DENND1A: variants seen among roughly 807,000 people sequenced by gnomAD.
DENND1A encodes DENN domain-containing protein 1A.
In DENND1A, 51 loss-of-function variants were observed where a neutral mutation model predicts 113.7. The ratio of observed to expected loss-of-function variants is 0.45; its 90% CI spans 0.36 to 0.57. DENND1A has a LOEUF of 0.57. Ranked by LOEUF, DENND1A falls within the 20% of genes least tolerant of loss-of-function variation. The pLI is 0.00. For synonymous variants in DENND1A, 565 were observed against 570.8 expected (o/e 0.99, Z 0.14); for missense variants, 1,258 against 1,395.9 (o/e 0.90, Z 1.57).
chr9:123,449,581 T>G (rs563457459), intron 18 of DENND1A, among the ~76,000 whole-genome samples: 17 of 150,572 alleles, frequency 1.1e-4, no homozygotes, highest in Non-Finnish European at 1.9e-4. Context: ...GTAATTATGA[T>G]GATGGCATTC....
rs768293484 is a variant in DENND1A, at chr9:123,389,964, G to A, written c.1632-2106C>T. 3.3e-5 allele frequency among the ~76,000 whole-genome samples: 5 copies of A among 152,162 alleles called. No homozygotes were observed. The East Asian group carries it at 5.8e-4, about 18-fold the overall frequency. On this transcript the variant is annotated intron_variant, in intron 21 of 23. Transcript: ENST00000394215. ...GTGGCCCTCTCCTGGCCTCCCCTGC[G>A]GCCATGCTTACCGTCTTTGACCACA...
chr9:123,771,517 C>A (rs1443262373), intron 3 of DENND1A, among the ~76,000 whole-genome samples: 1 of 152,146 alleles, frequency 6.6e-6, no homozygotes, highest in African/African-American at 2.4e-5. Flanking sequence ...AGAAAGCTAT[C>A]TTTTACCCCT....
At position 123,457,889 on chromosome 9, in the gene DENND1A, C is replaced by G. The variant is rs146941971; in HGVS notation, c.1002G>C (p.Pro334=). Residue 334 remains proline, a synonymous_variant, in exon 14 of 24, where the codon CCG becomes CCC. Coordinates refer to ENST00000394215, the MANE Select transcript of DENND1A (RefSeq NM_001352964.2). ...CGAAGGCTTCCTCACAGAAAGTGAT[C>G]GGCTCCTCCTGGGAAGTGCAGAGGG... ...RNALKIEPEE[P]ITFCEEAFVS... 10 of 1,609,860 alleles carry G rather than the reference C, an allele frequency of 6.2e-6. No individual in the cohort carries two copies. The South Asian group carries it at 8.9e-5, about 14-fold the overall frequency.
chr9:123,871,434 T>C (rs1846595966), intron 2 of DENND1A, among the ~76,000 whole-genome samples: 1 of 152,168 alleles, frequency 6.6e-6, no homozygotes, highest in Non-Finnish European at 1.5e-5. Context: ...TAATTTTGAG[T>C]ATCCATTGTG....
At position 123,639,777 on chromosome 9, in the gene DENND1A, C is replaced by CAAAAAAA. The variant is rs199515973; in HGVS notation, c.619-9308_619-9302dup. 3.5e-4 allele frequency among the ~76,000 whole-genome samples: 41 copies of CAAAAAAA among 115,590 alleles called. 1 individual carries two copies. Among genetic ancestry groups the CAAAAAAA allele is most frequent in the South Asian group, 5.9e-4 (2 of 3,364 alleles). The allele number at this position is 115,590 out of a possible 152,430, so 75.8% of individuals were successfully genotyped here. A position where few individuals can be genotyped will look rare whatever the true frequency, so the allele number is the denominator to read the frequency against. On this transcript the variant is annotated intron_variant, in intron 9 of 23. Transcript: ENST00000394215. Reference sequence around the variant, plus strand: ...GGGCAACAAGAACGAAACTCCATCTCAAAAAAAAAAAAAAAAAAAACAAAA... The same window carrying CAAAAAAA: ...GGGCAACAAGAACGAAACTCCATCTCAAAAAAAAAAAAAAAAAAAAAAAAAAACAAAA...
intron 21 of DENND1A, among the ~76,000 whole-genome samples, chr9:123,388,070 TCA>T (rs1412943389): frequency 6.6e-6 from 1 of 152,170 alleles, no homozygotes; most frequent in African/African-American, 2.4e-5. Flanking sequence ...TCATGATCCA[TCA>T]CATAGGACCT....
At chr9:123,711,517 A>ATATATATATATATT (rs1564998284) in intron 5 of DENND1A, among the ~76,000 whole-genome samples, 1 of 85,314 alleles carries the variant, frequency 1.2e-5, no homozygotes, top group Non-Finnish European at 2.1e-5. Context: ...ATATATGTAT[A>ATATATATATATATT]TATATATATA....
chr9:123,656,170 A>G (rs1193318877), intron 8 of DENND1A, among the ~76,000 whole-genome samples: 1 of 152,214 alleles, frequency 6.6e-6, no homozygotes, highest in Non-Finnish European at 1.5e-5. Flanking sequence ...GGACCAGGGA[A>G]GAAGCATATT....
chr9:123,706,567 C>T (rs1272531617), intron 5 of DENND1A, among the ~76,000 whole-genome samples: 2 of 150,920 alleles, frequency 1.3e-5, no homozygotes, highest in Admixed American at 6.6e-5. Flanking sequence ...GTCAGGAAAT[C>T]GAGACCATCC....
intron 2 of DENND1A, among the ~76,000 whole-genome samples, chr9:123,871,418 G>T (rs1040520984): frequency 2.6e-5 from 4 of 152,160 alleles, no homozygotes; most frequent in African/African-American, 9.7e-5. Flanking sequence ...TTTTAAAAAT[G>T]TCTAATAATT....
At chr9:123,873,298 A>G (rs1222750464) in intron 2 of DENND1A, among the ~76,000 whole-genome samples, 1 of 152,216 alleles carries the variant, frequency 6.6e-6, no homozygotes, top group Non-Finnish European at 1.5e-5. Context: ...CAATCTTTGG[A>G]AAGTGTTCCA....
intron 11 of DENND1A, among the ~76,000 whole-genome samples, chr9:123,589,790 A>G (rs1181660152): frequency 6.6e-6 from 1 of 151,792 alleles, no homozygotes. Flanking sequence ...CTGCTTTGTC[A>G]CAGACAGTCT....
At chr9:123,587,151 G>T (rs150913188) in intron 11 of DENND1A, among the ~76,000 whole-genome samples, 1 of 152,108 alleles carries the variant, frequency 6.6e-6, no homozygotes, top group African/African-American at 2.4e-5. Flanking sequence ...GGCGGGGGTA[G>T]GTTAGTGAGG....
chr9:123,894,039 G>T (rs539823075), intron 1 of DENND1A, among the ~76,000 whole-genome samples: 121 of 152,238 alleles, frequency 7.9e-4, no homozygotes, highest in African/African-American at 2.8e-3. Context: ...CTGTTATAAG[G>T]CTTCCCAGGT....
chr9:123,629,574 T>C (rs1204154588), intron 10 of DENND1A, among the ~76,000 whole-genome samples: 2 of 152,250 alleles, frequency 1.3e-5, no homozygotes, highest in Non-Finnish European at 1.5e-5. Flanking sequence ...TGATTATGTA[T>C]TGAACAACTT....
intron 5 of DENND1A, among the ~76,000 whole-genome samples, chr9:123,699,936 G>A (rs2065786647): frequency 6.6e-6 from 1 of 152,044 alleles, no homozygotes; most frequent in Non-Finnish European, 1.5e-5. Context: ...AACCTCAGGT[G>A]ATCCACCCAC....
At chr9:123,762,111 C>T (rs779902126) in intron 4 of DENND1A, among the ~76,000 whole-genome samples, 1 of 152,192 alleles carries the variant, frequency 6.6e-6, no homozygotes, top group African/African-American at 2.4e-5. Flanking sequence ...CATTCTGCCA[C>T]GCTGCACTAA....
At chr9:123,457,276 G>T (rs564982282) in intron 15 of DENND1A, 72 bp downstream of exon 15, 3 of 1,177,686 alleles carry the variant, frequency 2.5e-6, no homozygotes, top group African/African-American at 1.5e-5. Flanking sequence ...GCAAGTCACT[G>T]CCACTCCTTG....
At chr9:123,776,649 A>C (rs1222041571) in intron 3 of DENND1A, among the ~76,000 whole-genome samples, 1 of 152,216 alleles carries the variant, frequency 6.6e-6, no homozygotes, top group East Asian at 1.9e-4. Context: ...TTAATCAGCA[A>C]TCATTGTTCT....
Sources: gnomAD v4.1 joint callset for allele counts (sites outside exome capture counted in the v4.1 genomes callset) on GRCh38, gnomAD v4.1.1 for gene constraint, MANE v1.5 for transcripts, NCBI Gene and HGNC (gene_info 2026-07-23, HGNC 2026-07-21) for gene names.